BMPR1B: variants seen among roughly 807,000 people sequenced by gnomAD.
The protein encoded by BMPR1B is bone morphogenetic protein receptor type-1B.
Under a neutral mutation model 59.1 loss-of-function variants are expected in BMPR1B, and 12 were observed. The ratio of observed to expected loss-of-function variants is 0.20; its 90% CI spans 0.13 to 0.33. The LOEUF (loss-of-function observed/expected upper bound fraction) is 0.33. BMPR1B is among the 10% of genes least tolerant of loss of function. The pLI, the probability that BMPR1B is intolerant of heterozygous loss-of-function variation, is 1.00. For synonymous variants in BMPR1B, 237 were observed against 207.3 expected, an observed-to-expected ratio of 1.14 and a Z score of -1.23; for missense variants, 550 against 610.9, an observed-to-expected ratio of 0.90 and a Z score of 1.05.
chr4:95,083,472 T>C (rs1256522765), intron 3 of BMPR1B, among the ~76,000 whole-genome samples: 1 of 152,152 alleles, frequency 6.6e-6, no homozygotes, highest in Non-Finnish European at 1.5e-5. Flanking sequence ...GTTAGAAGTT[T>C]AGCTGAAGTG....
At chr4:94,975,351 C>T (rs1730981692) in intron 2 of BMPR1B, among the ~76,000 whole-genome samples, 3 of 138,900 alleles carry the variant, frequency 2.2e-5, no homozygotes, top group Admixed American at 7.7e-5. Context: ...ATCTTAATTT[C>T]CTTTTGTTTT....
At chr4:95,087,830 C>T (rs987648976) in intron 3 of BMPR1B, among the ~76,000 whole-genome samples, 1 of 152,062 alleles carries the variant, frequency 6.6e-6, no homozygotes, top group Non-Finnish European at 1.5e-5. Flanking sequence ...TGAACTTCAC[C>T]TTTTGCTCAG....
intron 1 of BMPR1B, among the ~76,000 whole-genome samples, chr4:94,843,551 T>C (rs1013376109): frequency 2.0e-5 from 3 of 152,330 alleles, no homozygotes; most frequent in Admixed American, 2.0e-4. Context: ...ATTCTTGTTG[T>C]ATTGGTCATA....
intron 1 of BMPR1B, among the ~76,000 whole-genome samples, chr4:94,865,934 A>G (rs920697612): frequency 2.0e-5 from 3 of 152,152 alleles, no homozygotes; most frequent in Non-Finnish European, 2.9e-5. Context: ...TCAGATGCAT[A>G]CCATAATTTT....
chr4:94,794,106 T>G, intron 1 of BMPR1B, among the ~76,000 whole-genome samples: 1 of 150,318 alleles, frequency 6.7e-6, no homozygotes, highest in South Asian at 2.1e-4. Context: ...GTCTATGTCC[T>G]GAATGGTAAT....
intron 2 of BMPR1B, among the ~76,000 whole-genome samples, chr4:94,959,240 A>G (rs565964781): frequency 6.6e-6 from 1 of 152,308 alleles, no homozygotes; most frequent in Admixed American, 6.5e-5. Context: ...TCATTTACAC[A>G]TGACTTGTGG....
At position 94,904,814 on chromosome 4, in the gene BMPR1B, G is replaced by A. The variant is rs143663361; in HGVS notation, c.-113+28914G>A. Among the ~76,000 whole-genome samples, 754 of 151,932 alleles carry A rather than the reference G, an allele frequency of 5.0e-3. 3 individuals are homozygous for A. Among genetic ancestry groups the A allele is most frequent in the African/African-American group, 0.017 (720 of 41,468 alleles). Reference sequence around the variant, plus strand: ...TTTATTCCACAACATAGTAAATGTCGAGAAAAACGAACTTGGAATATTGCA... The same window carrying A: ...TTTATTCCACAACATAGTAAATGTCAAGAAAAACGAACTTGGAATATTGCA... On this transcript the variant is annotated intron_variant, in intron 2 of 12. Coordinates refer to ENST00000515059, the MANE Select transcript of BMPR1B (RefSeq NM_001203.3).
intron 3 of BMPR1B, among the ~76,000 whole-genome samples, chr4:95,007,427 A>G (rs1722922781): frequency 6.6e-6 from 1 of 152,206 alleles, no homozygotes; most frequent in African/African-American, 2.4e-5. Flanking sequence ...ATAATATTCA[A>G]AACAAATTCT....
intron 1 of BMPR1B, among the ~76,000 whole-genome samples, chr4:94,811,770 C>G (rs1005060426): frequency 6.6e-6 from 1 of 152,110 alleles, no homozygotes; most frequent in African/African-American, 2.4e-5. Flanking sequence ...AAGGCCCACC[C>G]ACAATAACAT....
chr4:95,096,072 T>G, intron 3 of BMPR1B, among the ~76,000 whole-genome samples: 1 of 150,410 alleles, frequency 6.6e-6, no homozygotes, highest in East Asian at 1.9e-4. Flanking sequence ...AAAAATCACG[T>G]ATATGAGTAT....
At chr4:94,873,681 T>G (rs1040989217) in intron 1 of BMPR1B, among the ~76,000 whole-genome samples, 1 of 152,242 alleles carries the variant, frequency 6.6e-6, no homozygotes, top group Non-Finnish European at 1.5e-5. Flanking sequence ...GTGCTGGGAT[T>G]ACAGGCGTGA....
At chr4:94,925,880 A>T (rs1458416358) in intron 2 of BMPR1B, among the ~76,000 whole-genome samples, 2 of 152,108 alleles carry the variant, frequency 1.3e-5, no homozygotes, top group Non-Finnish European at 2.9e-5. Context: ...TCAGGGCTTT[A>T]TAAGAATTCA....
At chr4:94,780,724 TG>T (rs1280944482) in intron 1 of BMPR1B, among the ~76,000 whole-genome samples, 1 of 146,776 alleles carries the variant, frequency 6.8e-6, no homozygotes, top group African/African-American at 2.5e-5. Context: ...AGTCTCGCTC[TG>T]TCGCCCAGGC....
intron 6 of BMPR1B, among the ~76,000 whole-genome samples, chr4:95,118,564 T>G (rs181773568): frequency 2.8e-4 from 43 of 152,296 alleles, no homozygotes; most frequent in African/African-American, 9.9e-4. Flanking sequence ...CCTCTCAGAG[T>G]GAACCAGACT....
intron 9 of BMPR1B, among the ~76,000 whole-genome samples, chr4:95,130,332 T>C (rs532215355): frequency 6.6e-6 from 1 of 152,328 alleles, no homozygotes; most frequent in South Asian, 2.1e-4. Flanking sequence ...CAGAATTTCT[T>C]AGGGTTTCTT....
chr4:94,883,770 C>T (rs1205182529), intron 2 of BMPR1B, among the ~76,000 whole-genome samples: 1 of 152,078 alleles, frequency 6.6e-6, no homozygotes, highest in Non-Finnish European at 1.5e-5. Flanking sequence ...GATGATTTTT[C>T]AGTAATCCTT....
intron 3 of BMPR1B, among the ~76,000 whole-genome samples, chr4:95,035,042 C>T (rs892250390): frequency 2.0e-5 from 3 of 151,958 alleles, no homozygotes; most frequent in South Asian, 2.1e-4. Flanking sequence ...TGATGTTGAA[C>T]ATTTTTTTCA....
At chr4:94,888,498 C>T (rs1355583691) in intron 2 of BMPR1B, among the ~76,000 whole-genome samples, 1 of 151,980 alleles carries the variant, frequency 6.6e-6, no homozygotes, top group East Asian at 1.9e-4. Flanking sequence ...AATAATGATA[C>T]AAAGCACTTA....
At chr4:95,153,362 C>G (rs938823161) in intron 12 of BMPR1B, among the ~76,000 whole-genome samples, 2 of 152,102 alleles carry the variant, frequency 1.3e-5, no homozygotes, top group African/African-American at 4.8e-5. Context: ...CTGACTCCTC[C>G]TCCTGTTCCA....
Sources: gnomAD v4.1 joint callset for allele counts (sites outside exome capture counted in the v4.1 genomes callset) on GRCh38, gnomAD v4.1.1 for gene constraint, MANE v1.5 for transcripts, NCBI Gene and HGNC (gene_info 2026-07-23, HGNC 2026-07-21) for gene names.